PLEKHM3: variants seen among roughly 807,000 people sequenced by gnomAD.
PLEKHM3 encodes the protein pleckstrin homology domain containing M3.
In PLEKHM3, 45 loss-of-function variants were observed where a neutral mutation model predicts 81.8. The observed-to-expected ratio is 0.55, with a 90% confidence interval of 0.43 to 0.71. PLEKHM3 has a LOEUF of 0.71. PLEKHM3 is among the 30% of genes least tolerant of loss of function. The probability of loss-of-function intolerance (pLI) is 0.00; values close to 1 mark genes in which losing one functional copy is unlikely to be tolerated. For synonymous variants in PLEKHM3, 352 were observed against 356.4 expected, an observed-to-expected ratio of 0.99 and a Z score of 0.14; for missense variants, 788 against 924.3, an observed-to-expected ratio of 0.85 and a Z score of 1.91.
At chr2:207,900,514 G>A (rs1688387198) in intron 6 of PLEKHM3, 1 of 152,250 alleles carries the variant, frequency 6.6e-6, no homozygotes, top group South Asian at 2.1e-4. Flanking sequence ...AGAAAGACAT[G>A]TGGGATGGAA....
rs150394974 is a variant in PLEKHM3 at position 207,863,613 on chromosome 2, A to T, written c.1951-2351T>A. On this transcript the variant is annotated intron_variant, in intron 6 of 7. Transcript: ENST00000427836. The stretch of plus-strand genomic sequence containing the variant: ...GCCACCCGGCGTGCTGGGCCCTGGC[A>T]GTGCCTCTGCTGATTGAGCCCTTTC... Among the ~76,000 whole-genome samples, 444 of 152,324 alleles carry T rather than the reference A, an allele frequency of 2.9e-3. 5 individuals carry two copies. The highest frequency in any genetic ancestry group is 0.01 in the African/African-American group (422 of 41,570).
rs1157577896 is a variant in PLEKHM3 at position 207,840,807 on chromosome 2, T to A, written c.2109-12311A>T. 6.6e-4 allele frequency among the ~76,000 whole-genome samples: 95 copies of A among 143,552 alleles called. 1 individual carries two copies. Among genetic ancestry groups the A allele is most frequent in the African/African-American group, 2.3e-3 (90 of 39,228 alleles). 94.2% of individuals were successfully genotyped at this position (143,552 alleles called of 152,430 possible). On this transcript the variant is annotated intron_variant, in intron 7 of 7. Transcript: ENST00000427836. ...CATTTAACACTTTTTATGTTTTTTT[T>A]TTTTTTTTTTTTTTTGAGACAGAGT...
chr2:207,855,135 T>G (rs2092431036), intron 7 of PLEKHM3, among the ~76,000 whole-genome samples: 1 of 152,202 alleles, frequency 6.6e-6, no homozygotes, highest in African/African-American at 2.4e-5. Flanking sequence ...ACATGTCTGT[T>G]CCTAGGATTA....
chr2:207,944,780 T>G (rs1003299707), intron 4 of PLEKHM3, among the ~76,000 whole-genome samples: 4 of 152,214 alleles, frequency 2.6e-5, no homozygotes, highest in African/African-American at 9.6e-5. Context: ...GTTCACGCAA[T>G]TCCATCATTC....
rs796658354 is a variant in PLEKHM3, at chr2:207,861,025, T to A, written c.2108+80A>T. The A allele has an allele frequency of 8.7e-6, 13 of 1,493,438 alleles. No homozygotes were observed. In the South Asian group the frequency reaches 1.7e-4, roughly 19 times the overall value. 92.5% of individuals were successfully genotyped at this position (1,493,438 alleles called of 1,614,324 possible). Reference sequence around the variant, plus strand: ...AAGAGACAGAGATACACTACTTGACTAAAAGTTGGCCTGATTTGGCCAAAG... The same window carrying A: ...AAGAGACAGAGATACACTACTTGACAAAAAGTTGGCCTGATTTGGCCAAAG... On this transcript the variant is annotated intron_variant, in intron 7 of 7. Coordinates refer to ENST00000427836, the MANE Select transcript of PLEKHM3 (RefSeq NM_001080475.3).
intron 6 of PLEKHM3, among the ~76,000 whole-genome samples, chr2:207,880,790 C>CAAAAA (rs1221176290): frequency 2.7e-4 from 9 of 33,552 alleles, no homozygotes; most frequent in African/African-American, 6.4e-4. Context: ...AAAAAAAAAC[C>CAAAAA]AAAAAAACAA....
intron 7 of PLEKHM3, among the ~76,000 whole-genome samples, chr2:207,844,236 G>C (rs2092370213): frequency 6.6e-6 from 1 of 151,030 alleles, no homozygotes; most frequent in South Asian, 2.1e-4. Flanking sequence ...CTTTGAATCA[G>C]GTTCATTATT....
At chr2:207,967,917 C>T (rs1574453233) in intron 3 of PLEKHM3, among the ~76,000 whole-genome samples, 1 of 152,120 alleles carries the variant, frequency 6.6e-6, no homozygotes, top group Non-Finnish European at 1.5e-5. Context: ...GCTCCAGAAT[C>T]CTTGCTCTTA....
Position 208,009,433 on chromosome 2 carries a change from A to T in PLEKHM3, c.-318-7476T>A, listed in dbSNP as rs376447583. Among the ~76,000 whole-genome samples the T allele has an allele frequency of 3.3e-4, 51 of 152,262 alleles. No individual in the cohort carries two copies. In the East Asian group the frequency reaches 8.1e-3, roughly 24 times the overall value. Reference sequence around the variant, plus strand: ...ATATCTTTGGTACCTCCCCCACAACATATACTATATGCTGCATGTTCCTTC... The same window carrying T: ...ATATCTTTGGTACCTCCCCCACAACTTATACTATATGCTGCATGTTCCTTC... On this transcript the variant is annotated intron_variant, in intron 1 of 7. Coordinates refer to ENST00000427836, the MANE Select transcript of PLEKHM3 (RefSeq NM_001080475.3).
chr2:208,005,413 C>T (rs901332174), intron 1 of PLEKHM3, among the ~76,000 whole-genome samples: 2 of 152,052 alleles, frequency 1.3e-5, no homozygotes. Flanking sequence ...TCAGACTTTA[C>T]CTGTTTTTGA....
chr2:207,871,101 C>T (rs1016474576), intron 6 of PLEKHM3, among the ~76,000 whole-genome samples: 3 of 152,080 alleles, frequency 2.0e-5, no homozygotes, highest in South Asian at 2.1e-4. Flanking sequence ...GGTGACAGGG[C>T]GAGACCCCAT....
chr2:207,858,009 T>C (rs1001281107), intron 7 of PLEKHM3, among the ~76,000 whole-genome samples: 2 of 151,340 alleles, frequency 1.3e-5, no homozygotes, highest in African/African-American at 2.4e-5. Flanking sequence ...TTTTTTTATA[T>C]ATTTTATATT....
chr2:208,023,470 G>A (rs1693195570), intron 1 of PLEKHM3, among the ~76,000 whole-genome samples: 1 of 152,148 alleles, frequency 6.6e-6, no homozygotes. Context: ...ACGGGTCCAT[G>A]GCCTGTTAGG....
chr2:207,825,125 A>T lies in PLEKHM3; in HGVS notation c.*3194T>A, dbSNP rs2092241297. ...CTTTGGAAAAAGCGGGCCTGGAAAG[A>T]ACACTACCCCCATTCCAGTTGACGG... On this transcript the variant is annotated 3_prime_UTR_variant, in exon 8 of 8. Coordinates refer to ENST00000427836, the MANE Select transcript of PLEKHM3 (RefSeq NM_001080475.3). 6.6e-6 allele frequency: 1 copy of T among 152,180 alleles called. No individual in the cohort carries two copies. Among genetic ancestry groups the T allele is most frequent in the Non-Finnish European group, 1.5e-5 (1 of 68,040 alleles). The allele number at this position is 152,180 out of a possible 1,614,324, so 9.4% of individuals were successfully genotyped here. A position where few individuals can be genotyped will look rare whatever the true frequency, so the allele number is the denominator to read the frequency against.
At chr2:208,008,568 A>G (rs1376417852) in intron 1 of PLEKHM3, among the ~76,000 whole-genome samples, 1 of 151,114 alleles carries the variant, frequency 6.6e-6, no homozygotes, top group Admixed American at 6.6e-5. Context: ...GCCTACTTAT[A>G]CCTTACAACC....
rs1170073686 is a variant in PLEKHM3, at chr2:207,956,718, A to ATTTT, written c.1547-10210_1547-10207dup. On this transcript the variant is annotated intron_variant, in intron 3 of 7. Coordinates refer to ENST00000427836, the MANE Select transcript of PLEKHM3 (RefSeq NM_001080475.3). ...ATGCCACCACACCTGGCTGATTAAAATTTTTTTTTTTTTTTTTTTTTTTTT... is the reference window on the plus strand; with the variant it reads ...ATGCCACCACACCTGGCTGATTAAAATTTTTTTTTTTTTTTTTTTTTTTTTTTTT... 9.2e-3 allele frequency among the ~76,000 whole-genome samples: 638 copies of ATTTT among 69,108 alleles called. 53 individuals carry two copies. The highest frequency in any genetic ancestry group is 0.028 in the African/African-American group (548 of 19,364). The allele number at this position is 69,108 out of a possible 152,430, so 45.3% of individuals were successfully genotyped here.
At chr2:207,951,925 G>A (rs1292006631) in intron 3 of PLEKHM3, among the ~76,000 whole-genome samples, 1 of 152,210 alleles carries the variant, frequency 6.6e-6, no homozygotes, top group African/African-American at 2.4e-5. Flanking sequence ...TAAGAGGGAA[G>A]AATGAGAAAG....
At chr2:207,944,545 G>A (rs565381064) in intron 4 of PLEKHM3, among the ~76,000 whole-genome samples, 4 of 152,284 alleles carry the variant, frequency 2.6e-5, no homozygotes, top group Admixed American at 6.5e-5. Context: ...TTTTCTCTAC[G>A]AAGTAGAAGA....
At chr2:207,871,944 C>T (rs1238431011) in intron 6 of PLEKHM3, among the ~76,000 whole-genome samples, 1 of 152,134 alleles carries the variant, frequency 6.6e-6, no homozygotes, top group Admixed American at 6.5e-5. Context: ...CTCTACTATT[C>T]CTTTTAGCCC....
Sources: allele counts gnomAD v4.1 joint callset (sites outside exome capture counted in the v4.1 genomes callset), GRCh38; gene constraint gnomAD v4.1.1; transcripts MANE v1.5; gene names NCBI Gene and HGNC (gene_info 2026-07-23, HGNC 2026-07-21).